The following B3GALT1 variants were observed in gnomAD, a reference collection of about 807,000 sequenced individuals.
B3GALT1 encodes beta-1,3-galactosyltransferase 1.
B3GALT1 carries 10 observed loss-of-function variants against 23.2 expected under a neutral mutation model. That is an observed-to-expected ratio of 0.43 (90% CI 0.27 to 0.73). The LOEUF is 0.73. Ranked by LOEUF, B3GALT1 falls within the 30% of genes least tolerant of loss-of-function variation. The pLI is 0.21. For synonymous variants in B3GALT1, 156 were observed against 141.5 expected, an observed-to-expected ratio of 1.10 and a Z score of -0.73; for missense variants, 299 against 405.4, an observed-to-expected ratio of 0.74 and a Z score of 2.25.
At chr2:167,433,871 T>C (rs1574076608) in intron 1 of B3GALT1, among the ~76,000 whole-genome samples, 1 of 152,208 alleles carries the variant, frequency 6.6e-6, no homozygotes, top group Middle Eastern at 3.4e-3. Context: ...AAGTTTACGG[T>C]GAGGTGTGAC....
At position 167,664,195 on chromosome 2, in the gene B3GALT1, C is replaced by A. The variant is rs1413113612; in HGVS notation, c.-352+17229C>A. On this transcript the variant is annotated intron_variant, in intron 3 of 4. Coordinates refer to ENST00000392690, the MANE Select transcript of B3GALT1 (RefSeq NM_020981.4). ...TTCTACATATGGCTAGCCAGTTTTCCAAGCACCATTTATTAAATAGGGAAT... is the reference window on the plus strand; with the variant it reads ...TTCTACATATGGCTAGCCAGTTTTCAAAGCACCATTTATTAAATAGGGAAT... Among the ~76,000 whole-genome samples the A allele has an allele frequency of 7.4e-5, 11 of 149,642 alleles. 1 individual carries two copies. The highest frequency in any genetic ancestry group is 2.7e-4 in the African/African-American group (11 of 40,288).
intron 3 of B3GALT1, among the ~76,000 whole-genome samples, chr2:167,671,060 C>G (rs887228941): frequency 2.0e-5 from 3 of 152,022 alleles, no homozygotes; most frequent in Admixed American, 6.6e-5. Context: ...ACAAAATAGA[C>G]TTTAAGTAAA....
At chr2:167,654,895 A>T (rs1174600802) in intron 3 of B3GALT1, among the ~76,000 whole-genome samples, 1 of 151,548 alleles carries the variant, frequency 6.6e-6, no homozygotes, top group Non-Finnish European at 1.5e-5. Context: ...CCAGGTAACT[A>T]CCCACTAAAT....
Position 167,725,597 on chromosome 2 carries a change from G to T in B3GALT1, c.-352+78631G>T, listed in dbSNP as rs749153751. Reference sequence around the variant, plus strand: ...CTAAAATACTTTCCCAAGGGTACACGGAAAGTAGGGCAGAATTTAAGTCCA... The same window carrying T: ...CTAAAATACTTTCCCAAGGGTACACTGAAAGTAGGGCAGAATTTAAGTCCA... On this transcript the variant is annotated intron_variant, in intron 3 of 4. Transcript: ENST00000392690. Among the ~76,000 whole-genome samples, 3 of 152,144 alleles carry T rather than the reference G, an allele frequency of 2.0e-5. No individual in the cohort carries two copies. In the East Asian group the frequency reaches 5.8e-4, roughly 29 times the overall value.
At chr2:167,621,992 C>T (rs1284054766) in intron 2 of B3GALT1, among the ~76,000 whole-genome samples, 1 of 152,080 alleles carries the variant, frequency 6.6e-6, no homozygotes, top group African/African-American at 2.4e-5. Flanking sequence ...TCTTTATTAG[C>T]AGCATGAGAA....
At chr2:167,710,427 TG>T (rs1314474370) in intron 3 of B3GALT1, among the ~76,000 whole-genome samples, 1 of 152,234 alleles carries the variant, frequency 6.6e-6, no homozygotes, top group Non-Finnish European at 1.5e-5. Context: ...GTGGCTCTTT[TG>T]CAGTGAAAAT....
In B3GALT1 at chr2:167,663,116, C is replaced by G. The variant is rs1475321742; in HGVS notation, c.-352+16150C>G. The stretch of plus-strand genomic sequence containing the variant: ...CAATGCTATCCCTCCCCCCTCCCCC[C>G]ACCCCACAACAGTCCCAAGAGTGTG... On this transcript the variant is annotated intron_variant, in intron 3 of 4. Transcript: ENST00000392690. Among the ~76,000 whole-genome samples, 14 of 117,066 alleles carry G rather than the reference C, an allele frequency of 1.2e-4. No individual in the cohort carries two copies. In the South Asian group the frequency reaches 3.9e-3, roughly 33 times the overall value. 76.8% of individuals were successfully genotyped at this position (117,066 alleles called of 152,430 possible).
intron 1 of B3GALT1, among the ~76,000 whole-genome samples, chr2:167,333,146 A>G (rs1697000842): frequency 6.6e-6 from 1 of 152,254 alleles, no homozygotes; most frequent in Admixed American, 6.5e-5. Context: ...TTTCAAAGGC[A>G]TAAACTCACA....
At chr2:167,833,874 G>A (rs967180628) in intron 4 of B3GALT1, among the ~76,000 whole-genome samples, 13 of 152,172 alleles carry the variant, frequency 8.5e-5, no homozygotes, top group African/African-American at 3.1e-4. Context: ...CTGTATCTAA[G>A]GTACTGTTTA....
chr2:167,452,766 C>T (rs1192914312), intron 1 of B3GALT1, among the ~76,000 whole-genome samples: 1 of 152,156 alleles, frequency 6.6e-6, no homozygotes, highest in Non-Finnish European at 1.5e-5. Context: ...CACATTAAAT[C>T]TGATCAGGAG....
intron 1 of B3GALT1, among the ~76,000 whole-genome samples, chr2:167,401,412 A>T (rs190119347): frequency 6.6e-6 from 1 of 152,018 alleles, no homozygotes; most frequent in Non-Finnish European, 1.5e-5. Flanking sequence ...AGAGTTCCAC[A>T]TTGGGTCCTT....
chr2:167,481,481 T>C (rs2105336486), intron 1 of B3GALT1, among the ~76,000 whole-genome samples: 1 of 148,448 alleles, frequency 6.7e-6, no homozygotes, highest in African/African-American at 2.4e-5. Context: ...AAAATGTTTT[T>C]GCTATAATAG....
At position 167,696,066 on chromosome 2, in the gene B3GALT1, C is replaced by T. The variant is rs146990532; in HGVS notation, c.-352+49100C>T. ...CTTTAACTGGCATCCATGTGCCCTA[C>T]CACATTTTGAGGATTCTATTCCTAA... On this transcript the variant is annotated intron_variant, in intron 3 of 4. Coordinates refer to ENST00000392690, the MANE Select transcript of B3GALT1 (RefSeq NM_020981.4). Among the ~76,000 whole-genome samples, 921 of 152,166 alleles carry T rather than the reference C, an allele frequency of 6.1e-3. 11 individuals are homozygous for T. The highest frequency in any genetic ancestry group is 0.029 in the South Asian group (140 of 4,808).
chr2:167,667,918 T>G (rs1382823675), intron 3 of B3GALT1, among the ~76,000 whole-genome samples: 1 of 152,210 alleles, frequency 6.6e-6, no homozygotes, highest in East Asian at 1.9e-4. Flanking sequence ...TCAGAGTAAT[T>G]TGATCTTCTG....
chr2:167,713,647 A>G (rs1168220311), intron 3 of B3GALT1: 2 of 1,329,426 alleles, frequency 1.5e-6, no homozygotes, highest in Admixed American at 2.1e-5. Flanking sequence ...AAGAAAGCAA[A>G]AATATTGTCA....
intron 2 of B3GALT1, among the ~76,000 whole-genome samples, chr2:167,609,292 T>A (rs184181323): frequency 1.1e-4 from 17 of 152,274 alleles, no homozygotes; most frequent in Non-Finnish European, 2.2e-4. Flanking sequence ...AGCTCCCAAC[T>A]GGGGACAGTC....
At chr2:167,623,345 G>A (rs765409729) in intron 2 of B3GALT1, among the ~76,000 whole-genome samples, 3 of 151,940 alleles carry the variant, frequency 2.0e-5, no homozygotes, top group Admixed American at 6.6e-5. Context: ...CAATGACTTA[G>A]AACCAACCCA....
chr2:167,746,181 G>A (rs17582733), intron 3 of B3GALT1, among the ~76,000 whole-genome samples: 23,770 of 149,940 alleles, frequency 0.16, 2,109 homozygotes, highest in Non-Finnish European at 0.2. Flanking sequence ...TCTGTTGGTT[G>A]TGAAATATCT....
At chr2:167,461,937 A>T (rs1034292321) in intron 1 of B3GALT1, among the ~76,000 whole-genome samples, 16 of 152,186 alleles carry the variant, frequency 1.1e-4, no homozygotes, top group African/African-American at 3.9e-4. Context: ...ATGTTTAACA[A>T]CTATTTGTGT....
Sources: allele counts gnomAD v4.1 joint callset (sites outside exome capture counted in the v4.1 genomes callset), GRCh38; gene constraint gnomAD v4.1.1; transcripts MANE v1.5; gene names NCBI Gene and HGNC (gene_info 2026-07-23, HGNC 2026-07-21).